The following DCC variants were observed in gnomAD, a reference collection of about 807,000 sequenced individuals.
The protein encoded by DCC is netrin receptor DCC.
A neutral mutation model predicts 172.5 loss-of-function variants in DCC; 58 were observed. That is an observed-to-expected ratio of 0.34 (90% CI 0.27 to 0.42). The LOEUF (loss-of-function observed/expected upper bound fraction) is 0.42, where lower values mean the gene tolerates loss of function less well. Among genes scored for constraint, DCC ranks in the 10% least tolerant of loss-of-function variants. The pLI, the probability that DCC is intolerant of heterozygous loss-of-function variation, is 1.00. For synonymous variants in DCC, 709 were observed against 644.5 expected (o/e 1.10, Z -1.52); for missense variants, 1,740 against 1,791.0 (o/e 0.97, Z 0.51).
rs1350222516 is a variant in DCC, at chr18:52,600,931, T to A, written c.92-151123T>A. On this transcript the variant is annotated intron_variant, in intron 1 of 28. Transcript: ENST00000442544. ...AGTGAGTAAATTGGGATTTACTATA[T>A]AACCCAAAGTTATATAGTGCCAAGA... Among the ~76,000 whole-genome samples, 10 of 152,292 alleles carry A rather than the reference T, an allele frequency of 6.6e-5. No homozygotes were observed. In the East Asian group the frequency reaches 1.7e-3, roughly 26 times the overall value.
chr18:53,006,934 T>A (rs899174058), intron 5 of DCC, among the ~76,000 whole-genome samples: 2 of 152,316 alleles, frequency 1.3e-5, no homozygotes, highest in East Asian at 3.9e-4. Flanking sequence ...CCAAAGAGAT[T>A]GCTTTATAGC....
chr18:52,729,140 G>A (rs1319009587), intron 1 of DCC, among the ~76,000 whole-genome samples: 4 of 152,154 alleles, frequency 2.6e-5, no homozygotes, highest in African/African-American at 9.7e-5. Flanking sequence ...AGTAGGTAGG[G>A]CTGAATTTAG....
chr18:53,326,524 A>G (rs546708030), intron 14 of DCC, among the ~76,000 whole-genome samples: 60 of 152,300 alleles, frequency 3.9e-4, no homozygotes, highest in African/African-American at 1.3e-3. Context: ...GTAACCCTTG[A>G]TGGAAATTAA....
intron 2 of DCC, among the ~76,000 whole-genome samples, chr18:52,894,656 A>T (rs2039702235): frequency 6.6e-6 from 1 of 151,978 alleles, no homozygotes; most frequent in Non-Finnish European, 1.5e-5. Flanking sequence ...GTATAGTTCC[A>T]GTTAGAATCT....
intron 7 of DCC, among the ~76,000 whole-genome samples, chr18:53,145,302 A>G (rs1320894126): frequency 6.6e-6 from 1 of 151,750 alleles, no homozygotes; most frequent in African/African-American, 2.4e-5. Flanking sequence ...TTTGGAAGAG[A>G]CGGGGTTTCA....
At chr18:53,336,449 C>A (rs2057592230) in intron 14 of DCC, among the ~76,000 whole-genome samples, 1 of 152,148 alleles carries the variant, frequency 6.6e-6, no homozygotes, top group Non-Finnish European at 1.5e-5. Context: ...TATGAACAAT[C>A]TCCTGGCGTA....
chr18:52,910,657 A>G (rs1228178437), intron 3 of DCC, among the ~76,000 whole-genome samples: 1 of 152,120 alleles, frequency 6.6e-6, no homozygotes, highest in Non-Finnish European at 1.5e-5. Flanking sequence ...AGGACATTGA[A>G]TTGCACAATT....
chr18:53,246,701 C>T (rs2056369181), intron 12 of DCC, among the ~76,000 whole-genome samples: 1 of 151,988 alleles, frequency 6.6e-6, no homozygotes, highest in Non-Finnish European at 1.5e-5. Flanking sequence ...TTTCCCAAAG[C>T]AGGATTTTTA....
At chr18:52,610,164 AAAAAAAAAAAAAAAATAT>A (rs1292483341) in intron 1 of DCC, among the ~76,000 whole-genome samples, 73 of 22,290 alleles carry the variant, frequency 3.3e-3, no homozygotes, top group Non-Finnish European at 5.0e-3. Context: ...AAAAAAAAAA[AAAAAAAAAAAAAAAATAT>A]ATATATATAT....
intron 26 of DCC, among the ~76,000 whole-genome samples, chr18:53,498,375 A>G (rs2046051642): frequency 6.6e-6 from 1 of 152,200 alleles, no homozygotes; most frequent in South Asian, 2.1e-4. Flanking sequence ...AAACTTTATT[A>G]AGAAATAAGT....
At chr18:53,399,404 C>T (rs1036911117) in intron 18 of DCC, among the ~76,000 whole-genome samples, 5 of 152,204 alleles carry the variant, frequency 3.3e-5, no homozygotes, top group South Asian at 2.1e-4. Context: ...TGCTACCAAG[C>T]TTTCATGATA....
At chr18:53,468,367 A>ATTTAT (rs1568151593) in intron 25 of DCC, among the ~76,000 whole-genome samples, 127 of 129,556 alleles carry the variant, frequency 9.8e-4, no homozygotes, top group African/African-American at 3.4e-3. Flanking sequence ...TATTTATTTT[A>ATTTAT]TTTATTTATT....
chr18:52,691,023 C>T (rs17829061), intron 1 of DCC, among the ~76,000 whole-genome samples: 3,358 of 152,162 alleles, frequency 0.022, 65 homozygotes, highest in East Asian at 0.09. Context: ...AGTGCATAGA[C>T]GGATTTATTA....
intron 1 of DCC, among the ~76,000 whole-genome samples, chr18:52,535,071 G>C (rs967521576): frequency 6.6e-6 from 1 of 152,150 alleles, no homozygotes; most frequent in African/African-American, 2.4e-5. Context: ...TCTTTGAAAA[G>C]GTGGGACATG....
intron 5 of DCC, among the ~76,000 whole-genome samples, chr18:52,980,072 C>A (rs1198292552): frequency 2.6e-5 from 4 of 152,118 alleles, no homozygotes; most frequent in African/African-American, 9.7e-5. Flanking sequence ...GCCCCCGCCA[C>A]CCCCAACTGT....
chr18:53,227,546 A>G (rs1432377457), intron 12 of DCC, among the ~76,000 whole-genome samples: 1 of 152,214 alleles, frequency 6.6e-6, no homozygotes, highest in Non-Finnish European at 1.5e-5. Flanking sequence ...ACGTTTCCCT[A>G]GCATTTTGTA....
chr18:52,994,765 A>G (rs2041452431), intron 5 of DCC, among the ~76,000 whole-genome samples: 1 of 152,166 alleles, frequency 6.6e-6, no homozygotes, highest in Non-Finnish European at 1.5e-5. Context: ...TCACATTGCA[A>G]AGAGATCTGA....
At chr18:53,076,491 G>A (rs915264826) in intron 7 of DCC, among the ~76,000 whole-genome samples, 10 of 152,112 alleles carry the variant, frequency 6.6e-5, no homozygotes, top group Admixed American at 2.0e-4. Flanking sequence ...TACTTTGGCT[G>A]TATCAAGTCA....
intron 13 of DCC, among the ~76,000 whole-genome samples, chr18:53,311,903 T>C (rs2057273055): frequency 6.6e-6 from 1 of 152,108 alleles, no homozygotes; most frequent in Non-Finnish European, 1.5e-5. Context: ...AAACTGTAAA[T>C]AATGTGTTTC....
Sources: gnomAD v4.1 joint callset for allele counts (sites outside exome capture counted in the v4.1 genomes callset) on GRCh38, gnomAD v4.1.1 for gene constraint, MANE v1.5 for transcripts, NCBI Gene and HGNC (gene_info 2026-07-23, HGNC 2026-07-21) for gene names.